ALK: variants seen among roughly 807,000 people sequenced by gnomAD.
ALK encodes the protein ALK tyrosine kinase receptor.
In ALK, 74 loss-of-function variants were observed where a neutral mutation model predicts 163.1. The ratio of observed to expected loss-of-function variants is 0.45; its 90% CI spans 0.38 to 0.55. ALK has a LOEUF of 0.55. Ranked by LOEUF, ALK falls within the 20% of genes least tolerant of loss-of-function variation. The pLI is 0.00. For missense variants in ALK, 2,063 were observed against 2,105.3 expected, an observed-to-expected ratio of 0.98 and a Z score of 0.39; for synonymous variants, 960 against 843.2, an observed-to-expected ratio of 1.14 and a Z score of -2.40.
intron 12 of ALK, among the ~76,000 whole-genome samples, chr2:29,248,441 C>T (rs1050014971): frequency 4.6e-5 from 7 of 152,190 alleles, no homozygotes; most frequent in Non-Finnish European, 8.8e-5. Flanking sequence ...CCAGCCTGGG[C>T]AACAGAGCGC....
intron 1 of ALK, among the ~76,000 whole-genome samples, chr2:29,915,829 C>A (rs948188562): frequency 1.3e-5 from 2 of 152,102 alleles, no homozygotes; most frequent in South Asian, 2.1e-4. Flanking sequence ...GGTGATTGTG[C>A]CTCCCAAACC....
At chr2:29,878,823 G>T (rs986560627) in intron 1 of ALK, among the ~76,000 whole-genome samples, 1 of 152,184 alleles carries the variant, frequency 6.6e-6, no homozygotes, top group African/African-American at 2.4e-5. Context: ...GGGATACAGG[G>T]TTACTAGGTC....
chr2:29,527,339 C>T (rs1191693115), intron 4 of ALK, among the ~76,000 whole-genome samples: 1 of 152,100 alleles, frequency 6.6e-6, no homozygotes, highest in Admixed American at 6.5e-5. Context: ...GTGTGGGTAC[C>T]CAGCATGAAT....
intron 4 of ALK, among the ~76,000 whole-genome samples, chr2:29,462,730 C>T (rs3923028): frequency 0.16 from 24,197 of 152,082 alleles, 2,159 homozygotes; most frequent in East Asian, 0.35. Context: ...CTGTACCATA[C>T]TGAGAAGAAA....
At chr2:29,760,295 GC>G (rs1338716113) in intron 1 of ALK, among the ~76,000 whole-genome samples, 1 of 152,128 alleles carries the variant, frequency 6.6e-6, no homozygotes, top group African/African-American at 2.4e-5. Flanking sequence ...GACTTCTGGT[GC>G]CAACACTTAC....
At chr2:29,573,204 G>A (rs1433127689) in intron 3 of ALK, among the ~76,000 whole-genome samples, 1 of 152,144 alleles carries the variant, frequency 6.6e-6, no homozygotes, top group Non-Finnish European at 1.5e-5. Context: ...ATCCCTCAGA[G>A]CACCCAGCTG....
chr2:29,716,026 C>T (rs940022612), intron 2 of ALK, among the ~76,000 whole-genome samples: 5 of 151,956 alleles, frequency 3.3e-5, no homozygotes, highest in South Asian at 2.1e-4. Context: ...GAACCAAGAG[C>T]GTTATAGATG....
At chr2:29,482,791 G>C (rs1160783984) in intron 4 of ALK, among the ~76,000 whole-genome samples, 2 of 152,098 alleles carry the variant, frequency 1.3e-5, no homozygotes, top group Non-Finnish European at 1.5e-5. Context: ...TCTGAGACCT[G>C]GTCTTTGGAT....
intron 4 of ALK, among the ~76,000 whole-genome samples, 154 bp from the exon 5 acceptor site, chr2:29,384,013 G>C (rs1668971201): frequency 6.6e-6 from 1 of 152,202 alleles, no homozygotes; most frequent in South Asian, 2.1e-4. Flanking sequence ...ACTGAGGACA[G>C]TGATTCTGAC....
chr2:29,676,523 C>T (rs988941542), intron 3 of ALK, among the ~76,000 whole-genome samples: 2 of 151,862 alleles, frequency 1.3e-5, no homozygotes, highest in South Asian at 4.1e-4. Flanking sequence ...GTATATAAGC[C>T]TCTCCTTTCT....
chr2:29,859,156 G>T (rs1184747108), intron 1 of ALK, among the ~76,000 whole-genome samples: 2 of 152,220 alleles, frequency 1.3e-5, no homozygotes, highest in Non-Finnish European at 2.9e-5. Flanking sequence ...AAATACGAGG[G>T]GCTGGGGCTA....
intron 4 of ALK, among the ~76,000 whole-genome samples, chr2:29,403,290 A>G (rs2148316520): frequency 6.6e-6 from 1 of 152,308 alleles, no homozygotes; most frequent in East Asian, 1.9e-4. Context: ...GATGGGCAAG[A>G]CTTACTCACT....
chr2:29,859,942 T>C (rs1666237307), intron 1 of ALK, among the ~76,000 whole-genome samples: 1 of 152,118 alleles, frequency 6.6e-6, no homozygotes, highest in Non-Finnish European at 1.5e-5. Flanking sequence ...AGCCTTGGGG[T>C]TCCCAAAGGA....
At chr2:29,918,874 G>A (rs1048203375) in intron 1 of ALK, among the ~76,000 whole-genome samples, 1 of 152,188 alleles carries the variant, frequency 6.6e-6, no homozygotes, top group Non-Finnish European at 1.5e-5. Flanking sequence ...TTTGCTTGAT[G>A]GAATTTGTGT....
Position 29,320,845 on chromosome 2 carries a change from A to T in ALK, c.1452T>A (p.Asp484Glu). Residue 484 changes from aspartate to glutamate, a missense_variant, in exon 7 of 29, where the codon GAT (aspartate) becomes GAA (glutamate). Transcript: ENST00000389048. The part of the protein sequence containing the change: ...LPVGFYCNFE[D>E]GFCGWTQGTL... ...TGCCTTGGGTCCAGCCACAGAAGCCATCTTCAAAGTTGCAGTAAAAACCCA... is the reference window on the plus strand; with the variant it reads ...TGCCTTGGGTCCAGCCACAGAAGCCTTCTTCAAAGTTGCAGTAAAAACCCA... The T allele has an allele frequency of 2.5e-6, 4 of 1,614,216 alleles. No individual in the cohort carries two copies. The highest frequency in any genetic ancestry group is 8.5e-7 in the Non-Finnish European group (1 of 1,180,024).
intron 4 of ALK, among the ~76,000 whole-genome samples, chr2:29,420,513 C>G (rs2148066422): frequency 6.6e-6 from 1 of 151,578 alleles, no homozygotes; most frequent in South Asian, 2.1e-4. Flanking sequence ...TCCAGCCTCC[C>G]CCACCCTGAG....
intron 3 of ALK, among the ~76,000 whole-genome samples, chr2:29,575,337 G>A (rs576254856): frequency 8.5e-5 from 13 of 152,220 alleles, no homozygotes; most frequent in Admixed American, 7.2e-4. Flanking sequence ...GGAAAGCTGC[G>A]AATGTTTTCA....
intron 13 of ALK, among the ~76,000 whole-genome samples, chr2:29,238,857 T>C (rs772451020): frequency 1.3e-5 from 2 of 152,188 alleles, no homozygotes; most frequent in South Asian, 2.1e-4. Flanking sequence ...TAGATTTCAA[T>C]TGAATTTTTA....
intron 3 of ALK, among the ~76,000 whole-genome samples, chr2:29,534,959 T>G (rs1673214561): frequency 6.6e-6 from 1 of 152,238 alleles, no homozygotes. Context: ...TCAATGGAAC[T>G]CTATAGTTGA....
Sources: allele counts gnomAD v4.1 joint callset (sites outside exome capture counted in the v4.1 genomes callset), GRCh38; gene constraint gnomAD v4.1.1; transcripts MANE v1.5; gene names NCBI Gene and HGNC (gene_info 2026-07-23, HGNC 2026-07-21).